The following ARSB variants were observed in gnomAD, a reference collection of about 807,000 sequenced individuals.
ARSB encodes the protein arylsulfatase B.
In ARSB, 41 loss-of-function variants were observed where a neutral mutation model predicts 50.9. The observed-to-expected ratio is 0.81, with a 90% CI of 0.63 to 1.04. ARSB has a LOEUF of 1.04. Among genes scored for constraint, ARSB ranks in the 50% least tolerant of loss-of-function variants. ARSB has a pLI of 0.00. For missense variants in ARSB, 672 were observed against 693.3 expected (o/e 0.97, Z 0.35); for synonymous variants, 269 against 284.8 (o/e 0.94, Z 0.56).
At chr5:78,864,012 A>G (rs1177825858) in intron 5 of ARSB, among the ~76,000 whole-genome samples, 46 of 151,850 alleles carry the variant, frequency 3.0e-4, no homozygotes, top group Admixed American at 3.0e-3. Flanking sequence ...AAAGAAAGTA[A>G]TATCAACCAA....
chr5:78,838,441 C>T (rs1437128028), intron 6 of ARSB, among the ~76,000 whole-genome samples: 5 of 152,122 alleles, frequency 3.3e-5, no homozygotes, highest in African/African-American at 1.2e-4. Flanking sequence ...CCTGGTGACA[C>T]ATTTAGAATG....
chr5:78,950,794 C>T (rs1442197124), intron 4 of ARSB, among the ~76,000 whole-genome samples: 1 of 152,172 alleles, frequency 6.6e-6, no homozygotes, highest in African/African-American at 2.4e-5. Context: ...GGCCACAAGA[C>T]GGCCACACAT....
chr5:78,828,421 A>G (rs1374238150), intron 6 of ARSB, among the ~76,000 whole-genome samples: 1 of 152,084 alleles, frequency 6.6e-6, no homozygotes, highest in Non-Finnish European at 1.5e-5. Context: ...AAATAGGCTC[A>G]CACACCTTTT....
intron 5 of ARSB, among the ~76,000 whole-genome samples, chr5:78,873,028 C>T (rs949761846): frequency 7.9e-5 from 12 of 151,536 alleles, no homozygotes; most frequent in African/African-American, 2.2e-4. Flanking sequence ...AGTTACCATA[C>T]GAGTTAAAAA....
At chr5:78,906,676 C>A (rs1749081563) in intron 4 of ARSB, among the ~76,000 whole-genome samples, 1 of 152,064 alleles carries the variant, frequency 6.6e-6, no homozygotes, top group African/African-American at 2.4e-5. Context: ...TTTTCGAAAA[C>A]CTCAATTACT....
At chr5:78,803,271 C>CT (rs2112648359) in intron 6 of ARSB, among the ~76,000 whole-genome samples, 1 of 152,324 alleles carries the variant, frequency 6.6e-6, no homozygotes, top group East Asian at 1.9e-4. Flanking sequence ...CCCTAACGCA[C>CT]TCCCCTCTGC....
At chr5:78,930,679 C>G (rs1454014577) in intron 4 of ARSB, among the ~76,000 whole-genome samples, 1 of 152,192 alleles carries the variant, frequency 6.6e-6, no homozygotes, top group African/African-American at 2.4e-5. Context: ...AAGAAAGGAA[C>G]AAGCCTGGAA....
chr5:78,912,019 G>A (rs897095008), intron 4 of ARSB, among the ~76,000 whole-genome samples: 10 of 152,280 alleles, frequency 6.6e-5, no homozygotes, highest in African/African-American at 2.4e-4. Context: ...CAACAGTAAG[G>A]TCAATTATCA....
rs551203634 is a variant in ARSB at position 78,867,229 on chromosome 5, C to T, written c.1142+18355G>A. Among the ~76,000 whole-genome samples, 244 of 152,284 alleles carry T rather than the reference C, an allele frequency of 1.6e-3. 1 individual carries two copies. The highest frequency in any genetic ancestry group is 5.6e-3 in the African/African-American group (231 of 41,562). On this transcript the variant is annotated intron_variant, in intron 5 of 7. Coordinates refer to ENST00000264914, the MANE Select transcript of ARSB (RefSeq NM_000046.5). ...CTGAGATCAAACTGCAAGGCGGCAG[C>T]GAGGCTGGGGGAGAGGCGCCCGCCA...
chr5:78,802,978 T>G (rs1743448905), intron 6 of ARSB, among the ~76,000 whole-genome samples: 2 of 152,174 alleles, frequency 1.3e-5, no homozygotes, highest in Non-Finnish European at 2.9e-5. Flanking sequence ...TCTCCTAAGA[T>G]CTCAACTCCA....
chr5:78,833,555 CAGTGGAGGGAGGA>C (rs1445266274), intron 6 of ARSB, among the ~76,000 whole-genome samples: 6 of 152,108 alleles, frequency 3.9e-5, no homozygotes, highest in Non-Finnish European at 7.4e-5. Flanking sequence ...AGCTGGGAGG[CAGTGGAGGGAGGA>C]AGGGGATAAA....
intron 4 of ARSB, among the ~76,000 whole-genome samples, chr5:78,897,895 TTAATC>T (rs1469773906): frequency 1.3e-5 from 2 of 152,172 alleles, no homozygotes; most frequent in Admixed American, 6.5e-5. Flanking sequence ...TCAAAAATGA[TTAATC>T]TAAGTTCATT....
In ARSB at chr5:78,811,242, GA is replaced by G. The variant is rs1743795233; in HGVS notation, c.1213+28113del. On this transcript the variant is annotated intron_variant, in intron 6 of 7. Coordinates refer to ENST00000264914, the MANE Select transcript of ARSB (RefSeq NM_000046.5). ...GTACAGTGAAACAATGGATGCTCTG[GA>G]ATGTTTGTTGATTAAATAATTGAGA... 2.0e-5 allele frequency among the ~76,000 whole-genome samples: 3 copies of G among 152,286 alleles called. No homozygotes were observed. In the South Asian group the frequency reaches 6.2e-4, roughly 32 times the overall value.
At chr5:78,843,261 C>A (rs558733086) in intron 5 of ARSB, among the ~76,000 whole-genome samples, 1 of 152,290 alleles carries the variant, frequency 6.6e-6, no homozygotes, top group East Asian at 1.9e-4. Flanking sequence ...AACAGTTTCC[C>A]AGGTGACATT....
chr5:78,793,502 G>A (rs1178907504), intron 6 of ARSB, among the ~76,000 whole-genome samples: 2 of 152,160 alleles, frequency 1.3e-5, no homozygotes, highest in Non-Finnish European at 2.9e-5. Context: ...TACGCAGTTG[G>A]TCAGTGAATT....
intron 4 of ARSB, among the ~76,000 whole-genome samples, chr5:78,928,505 G>T (rs1219836586): frequency 6.6e-6 from 1 of 151,852 alleles, no homozygotes; most frequent in Non-Finnish European, 1.5e-5. Flanking sequence ...TAGTAGAGAT[G>T]GGGTTTCGCC....
At chr5:78,810,230 G>A (rs1221835071) in intron 6 of ARSB, among the ~76,000 whole-genome samples, 1 of 152,208 alleles carries the variant, frequency 6.6e-6, no homozygotes, top group Non-Finnish European at 1.5e-5. Flanking sequence ...GGGGCATCAG[G>A]GAAGCAGGGG....
At chr5:78,864,899 C>G (rs1265541117) in intron 5 of ARSB, among the ~76,000 whole-genome samples, 1 of 152,242 alleles carries the variant, frequency 6.6e-6, no homozygotes, top group African/African-American at 2.4e-5. Context: ...AACTCCATGT[C>G]TCACATCCAG....
intron 5 of ARSB, among the ~76,000 whole-genome samples, chr5:78,843,956 G>T (rs969300568): frequency 7.2e-5 from 11 of 151,994 alleles, no homozygotes; most frequent in Non-Finnish European, 1.5e-4. Context: ...CCATTTACTT[G>T]GTTAGTATTT....
Sources: gnomAD v4.1 joint callset for allele counts (sites outside exome capture counted in the v4.1 genomes callset) on GRCh38, gnomAD v4.1.1 for gene constraint, MANE v1.5 for transcripts, NCBI Gene and HGNC (gene_info 2026-07-23, HGNC 2026-07-21) for gene names.